Variants in NEK10 observed in about 807,000 individuals in gnomAD.
NEK10 encodes NIMA related kinase 10.
NEK10 carries 122 observed loss-of-function variants against 159.8 expected under a neutral mutation model. The ratio of observed to expected loss-of-function variants is 0.76; its 90% CI spans 0.66 to 0.89. NEK10 has a LOEUF of 0.89. Among genes scored for constraint, NEK10 ranks in the 40% least tolerant of loss-of-function variants. NEK10 has a pLI of 0.00. For synonymous variants in NEK10, 466 were observed against 457.1 expected, an observed-to-expected ratio of 1.02 and a Z score of -0.25; for missense variants, 1,342 against 1,323.1, an observed-to-expected ratio of 1.01 and a Z score of -0.22.
At chr3:27,255,790 T>A (rs1956110327) in intron 23 of NEK10, among the ~76,000 whole-genome samples, 1 of 152,210 alleles carries the variant, frequency 6.6e-6, no homozygotes, top group Non-Finnish European at 1.5e-5. Flanking sequence ...TAAGTATACA[T>A]ATCATTATTT....
At chr3:27,285,484 C>T (rs2042514143) in intron 20 of NEK10, among the ~76,000 whole-genome samples, 1 of 149,834 alleles carries the variant, frequency 6.7e-6, no homozygotes, top group African/African-American at 2.4e-5. Context: ...GAAAATAACA[C>T]ACATGATAGA....
At chr3:27,203,074 T>C (rs11712907) in intron 23 of NEK10, among the ~76,000 whole-genome samples, 35,597 of 151,938 alleles carry the variant, frequency 0.23, 4,481 homozygotes, top group Middle Eastern at 0.38. Flanking sequence ...TTCGGTCCAC[T>C]ACCAGAGGAA....
At chr3:27,219,241 G>A (rs370490807) in intron 23 of NEK10, among the ~76,000 whole-genome samples, 1 of 152,232 alleles carries the variant, frequency 6.6e-6, no homozygotes, top group African/African-American at 2.4e-5. Flanking sequence ...ATGGGAGGGT[G>A]CAGCCTAACT....
At chr3:27,131,816 TA>T (rs1942654984) in intron 32 of NEK10, 63 bp downstream of exon 32, 1 of 842,032 alleles carries the variant, frequency 1.2e-6, no homozygotes, top group African/African-American at 1.7e-5. Flanking sequence ...AAAGGAGGTA[TA>T]AAATGTACCT....
chr3:27,112,481 T>C (rs557973930), intron 35 of NEK10, among the ~76,000 whole-genome samples: 3 of 152,280 alleles, frequency 2.0e-5, no homozygotes, highest in African/African-American at 7.2e-5. Context: ...GCAATGACGA[T>C]GATGACAATG....
At chr3:27,198,464 C>A (rs1486608354) in intron 25 of NEK10, among the ~76,000 whole-genome samples, 2 of 151,880 alleles carry the variant, frequency 1.3e-5, no homozygotes, top group African/African-American at 4.8e-5. Flanking sequence ...GAAAAGAGAA[C>A]CCAGAAATAA....
intron 22 of NEK10, among the ~76,000 whole-genome samples, chr3:27,269,099 T>G (rs1005869189): frequency 1.3e-5 from 2 of 152,162 alleles, no homozygotes; most frequent in Non-Finnish European, 2.9e-5. Flanking sequence ...ACAATAAAAC[T>G]TGAACGGATG....
chr3:27,199,567 A>G (rs1949867101), intron 25 of NEK10, among the ~76,000 whole-genome samples: 1 of 152,202 alleles, frequency 6.6e-6, no homozygotes, highest in South Asian at 2.1e-4. Flanking sequence ...CCAAAGACAT[A>G]AAAACAGAAC....
chr3:27,112,792 A>G (rs547875042), intron 35 of NEK10, among the ~76,000 whole-genome samples: 7 of 152,350 alleles, frequency 4.6e-5, no homozygotes, highest in Middle Eastern at 3.4e-3. Context: ...ATCTATTGAC[A>G]TCTTTGATAA....
intron 26 of NEK10, among the ~76,000 whole-genome samples, chr3:27,185,871 C>G (rs1176714851): frequency 6.6e-6 from 1 of 152,086 alleles, no homozygotes; most frequent in Non-Finnish European, 1.5e-5. Flanking sequence ...AAAGTTGGAT[C>G]TTGCAATGAT....
chr3:27,165,828 G>C (rs1946422549), intron 29 of NEK10, among the ~76,000 whole-genome samples: 1 of 152,210 alleles, frequency 6.6e-6, no homozygotes, highest in South Asian at 2.1e-4. Flanking sequence ...GCTGAATTAA[G>C]TCAAGAGCAC....
chr3:27,340,899 A>G (rs1350838076), intron 5 of NEK10, among the ~76,000 whole-genome samples: 1 of 152,212 alleles, frequency 6.6e-6, no homozygotes, highest in Non-Finnish European at 1.5e-5. Flanking sequence ...TTGCACTCAC[A>G]TGTTTATTGC....
chr3:27,311,047 A>C, intron 8 of NEK10, 31 bp from the exon 9 acceptor site: 1 of 1,426,190 alleles, frequency 7.0e-7, no homozygotes, highest in Non-Finnish European at 9.9e-7. Context: ...GCAAAGAGGC[A>C]TCCAGAGATT....
At chr3:27,268,664 C>T (rs1199460672) in intron 22 of NEK10, among the ~76,000 whole-genome samples, 3 of 152,180 alleles carry the variant, frequency 2.0e-5, no homozygotes, top group Non-Finnish European at 4.4e-5. Flanking sequence ...TGACAATACA[C>T]CTCATCACTC....
rs189376350 is a variant in NEK10, at chr3:27,218,865, C to A, written c.2091-16308G>T. 5.3e-5 allele frequency among the ~76,000 whole-genome samples: 8 copies of A among 152,064 alleles called. No homozygotes were observed. The East Asian group carries it at 1.6e-3, about 29-fold the overall frequency. ...GAAACATCCTCAGCCCAATGAAAGA[C>A]ATCTGCACAATTCTCAGGTAACATT... On this transcript the variant is annotated intron_variant, in intron 23 of 35. Coordinates refer to ENST00000691995, the MANE Select transcript of NEK10 (RefSeq NM_001394966.1).
intron 1 of NEK10, among the ~76,000 whole-genome samples, chr3:27,360,444 A>G (rs1053190836): frequency 6.6e-6 from 1 of 152,244 alleles, no homozygotes; most frequent in Non-Finnish European, 1.5e-5. Flanking sequence ...GTTGCAGACC[A>G]TGATTCAGCT....
chr3:27,308,685 T>C (rs893765905), intron 10 of NEK10, among the ~76,000 whole-genome samples: 1 of 152,138 alleles, frequency 6.6e-6, no homozygotes, highest in Non-Finnish European at 1.5e-5. Flanking sequence ...GAGGGTTAGA[T>C]GAAAAGACTA....
intron 26 of NEK10, among the ~76,000 whole-genome samples, chr3:27,177,239 T>C (rs903254446): frequency 6.6e-6 from 1 of 152,110 alleles, no homozygotes; most frequent in Admixed American, 6.6e-5. Flanking sequence ...ATGGATAGTT[T>C]GGGTTTAAAA....
At chr3:27,271,381 G>T (rs2041348014) in intron 22 of NEK10, among the ~76,000 whole-genome samples, 1 of 151,190 alleles carries the variant, frequency 6.6e-6, no homozygotes, top group Admixed American at 6.6e-5. Context: ...AAAAAAAAAA[G>T]TATTCAATAT....
Sources: gnomAD v4.1 joint callset for allele counts (sites outside exome capture counted in the v4.1 genomes callset) on GRCh38, gnomAD v4.1.1 for gene constraint, MANE v1.5 for transcripts, NCBI Gene and HGNC (gene_info 2026-07-23, HGNC 2026-07-21) for gene names.